Variants in CFAP299 observed in about 807,000 individuals in gnomAD.
CFAP299 encodes the protein cilia and flagella associated protein 299.
In CFAP299, 21 loss-of-function variants were observed where a neutral mutation model predicts 27.0. The ratio of observed to expected loss-of-function variants is 0.78; its 90% CI spans 0.55 to 1.12. CFAP299 has a LOEUF of 1.12. Ranked by LOEUF, CFAP299 falls within the 50% of genes most tolerant of loss-of-function variation. The pLI, the probability that CFAP299 is intolerant of heterozygous loss-of-function variation, is 0.00. For missense variants in CFAP299, 310 were observed against 276.6 expected (o/e 1.12, Z -0.86); for synonymous variants, 104 against 98.1 (o/e 1.06, Z -0.36).
intron 3 of CFAP299, among the ~76,000 whole-genome samples, chr4:80,721,821 GA>G (rs529492510): frequency 1.3e-5 from 2 of 151,834 alleles, no homozygotes; most frequent in Admixed American, 6.6e-5. Flanking sequence ...AGACCAAAAA[GA>G]AAAAAACTGT....
the CFAP299 span, among the ~76,000 whole-genome samples, chr4:80,321,538 C>A: frequency 2.0e-5 from 3 of 152,158 alleles, no homozygotes; most frequent in African/African-American, 7.2e-5. Flanking sequence ...GCCACTGCCC[C>A]CATGCCCATG....
chr4:80,727,321 A>G (rs1304366870), intron 3 of CFAP299, among the ~76,000 whole-genome samples: 1 of 152,056 alleles, frequency 6.6e-6, no homozygotes, highest in Non-Finnish European at 1.5e-5. Context: ...TATTACTATT[A>G]TAATATTTTT....
chr4:80,615,321 T>C (rs1738217177), intron 3 of CFAP299, among the ~76,000 whole-genome samples: 1 of 152,182 alleles, frequency 6.6e-6, no homozygotes, highest in Admixed American at 6.6e-5. Context: ...AACAGTGATA[T>C]GGAAGTTAAC....
chr4:80,693,878 A>G (rs1374761831), intron 3 of CFAP299, among the ~76,000 whole-genome samples: 1 of 152,022 alleles, frequency 6.6e-6, no homozygotes, highest in Non-Finnish European at 1.5e-5. Flanking sequence ...TTCCATCATT[A>G]GAAATTTTGC....
At chr4:80,451,189 G>A (rs958152896) in intron 2 of CFAP299, among the ~76,000 whole-genome samples, 6 of 152,104 alleles carry the variant, frequency 3.9e-5, no homozygotes, top group Admixed American at 6.5e-5. Context: ...TCACTGGCTC[G>A]CAGATGGATG....
At chr4:80,743,275 A>T (rs72866712) in intron 3 of CFAP299, among the ~76,000 whole-genome samples, 12,153 of 152,150 alleles carry the variant, frequency 0.08, 703 homozygotes, top group East Asian at 0.22. Flanking sequence ...TTATTGCTAG[A>T]CAATAACAAA....
chr4:80,835,513 G>A (rs1390079129), intron 3 of CFAP299, among the ~76,000 whole-genome samples: 4 of 151,578 alleles, frequency 2.6e-5, no homozygotes, highest in Non-Finnish European at 5.9e-5. Context: ...GAGCACTCCA[G>A]AAGTCAGCTG....
At chr4:80,561,512 G>C (rs958395155) in intron 2 of CFAP299, among the ~76,000 whole-genome samples, 1 of 152,036 alleles carries the variant, frequency 6.6e-6, no homozygotes, top group African/African-American at 2.4e-5. Flanking sequence ...TGACCTTTCA[G>C]ACAGAGAATT....
At chr4:80,713,727 CT>C (rs1240076683) in intron 3 of CFAP299, among the ~76,000 whole-genome samples, 1 of 152,158 alleles carries the variant, frequency 6.6e-6, no homozygotes, top group Non-Finnish European at 1.5e-5. Flanking sequence ...TTCTTTAGAG[CT>C]ATGGCCTTAT....
At chr4:80,800,049 T>C (rs1363860590) in intron 3 of CFAP299, among the ~76,000 whole-genome samples, 2 of 64,494 alleles carry the variant, frequency 3.1e-5, no homozygotes, top group Non-Finnish European at 5.2e-5. Context: ...TAATATATAA[T>C]AAATGCTATA....
chr4:80,334,732 T>C (rs1259078575), upstream of CFAP299, among the ~76,000 whole-genome samples: 1 of 152,244 alleles, frequency 6.6e-6, no homozygotes, highest in Non-Finnish European at 1.5e-5. Context: ...ATCCTAAATA[T>C]TGTGTCTATA....
At chr4:80,790,345 T>C (rs933303501) in intron 3 of CFAP299, 1 of 152,042 alleles carries the variant, frequency 6.6e-6, no homozygotes, top group Non-Finnish European at 1.5e-5. Context: ...GTCCCTGTCT[T>C]AGTGGTCAGA....
At chr4:80,460,204 T>C (rs537462769) in intron 2 of CFAP299, among the ~76,000 whole-genome samples, 1 of 152,146 alleles carries the variant, frequency 6.6e-6, no homozygotes, top group Admixed American at 6.6e-5. Context: ...TCTCATTCTC[T>C]CTCTTCCACA....
intron 2 of CFAP299, among the ~76,000 whole-genome samples, chr4:80,437,621 C>T (rs1440644091): frequency 6.6e-6 from 1 of 152,180 alleles, no homozygotes; most frequent in African/African-American, 2.4e-5. Context: ...AGAGGGGAGA[C>T]ACTATCTCCA....
intron 2 of CFAP299, among the ~76,000 whole-genome samples, chr4:80,504,506 T>TATATATATA (rs57743936): frequency 1.5e-3 from 184 of 126,210 alleles, no homozygotes; most frequent in Non-Finnish European, 2.0e-3. Flanking sequence ...TATATATATA[T>TATATATATA]TTTCCTTTGA....
At chr4:80,887,295 CA>C (rs1484028186) in intron 4 of CFAP299, among the ~76,000 whole-genome samples, 2 of 151,876 alleles carry the variant, frequency 1.3e-5, no homozygotes, top group African/African-American at 4.8e-5. Flanking sequence ...ATCAAACTCC[CA>C]AAGGTCAAGG....
intron 2 of CFAP299, among the ~76,000 whole-genome samples, chr4:80,448,210 T>C (rs1268569505): frequency 1.3e-5 from 2 of 152,236 alleles, no homozygotes; most frequent in Non-Finnish European, 2.9e-5. Context: ...CCATGGTACA[T>C]GTCAGCAGCT....
chr4:80,661,325 CA>C (rs760056982), intron 3 of CFAP299, among the ~76,000 whole-genome samples: 2,731 of 62,952 alleles, frequency 0.043, 39 homozygotes, highest in East Asian at 0.16. Context: ...AACTCCATCT[CA>C]AAAAAAAAAA....
chr4:80,666,702 T>C (rs1577993548), intron 3 of CFAP299, among the ~76,000 whole-genome samples: 1 of 152,332 alleles, frequency 6.6e-6, no homozygotes, highest in East Asian at 1.9e-4. Context: ...TGGAAAATGA[T>C]AAAACTATAT....
Sources: gnomAD v4.1 joint callset for allele counts (sites outside exome capture counted in the v4.1 genomes callset) on GRCh38, gnomAD v4.1.1 for gene constraint, MANE v1.5 for transcripts, NCBI Gene and HGNC (gene_info 2026-07-23, HGNC 2026-07-21) for gene names.